Variants in RAB3GAP1 observed in about 807,000 individuals in gnomAD.
The protein encoded by RAB3GAP1 is RAB3 GTPase activating protein catalytic subunit 1, also known as rab3 GTPase-activating protein catalytic subunit.
RAB3GAP1 carries 86 observed loss-of-function variants against 130.7 expected under a neutral mutation model. The observed-to-expected ratio is 0.66, with a 90% CI of 0.55 to 0.79. The LOEUF (loss-of-function observed/expected upper bound fraction) is 0.79, where lower values mean the gene tolerates loss of function less well. RAB3GAP1 is among the 30% of genes least tolerant of loss of function. The pLI is 0.00. For missense variants in RAB3GAP1, 1,029 were observed against 1,169.4 expected, an observed-to-expected ratio of 0.88 and a Z score of 1.75; for synonymous variants, 367 against 401.7, an observed-to-expected ratio of 0.91 and a Z score of 1.03.
chr2:135,068,141 T>A (rs1689373638), intron 3 of RAB3GAP1, among the ~76,000 whole-genome samples: 1 of 152,158 alleles, frequency 6.6e-6, no homozygotes, highest in African/African-American at 2.4e-5. Flanking sequence ...TAAAAACGAT[T>A]GTTTCTTAGA....
At chr2:135,158,830 T>A (rs1692387665) in intron 19 of RAB3GAP1, among the ~76,000 whole-genome samples, 1 of 152,228 alleles carries the variant, frequency 6.6e-6, no homozygotes, top group Non-Finnish European at 1.5e-5. Context: ...CATTGGGCTA[T>A]GATACTCTGA....
In RAB3GAP1 at chr2:135,169,673, T is replaced by C. The variant is rs1484690000; in HGVS notation, c.*892T>C. 5 of 452,352 alleles carry C rather than the reference T, an allele frequency of 1.1e-5. No individual in the cohort carries two copies. Among genetic ancestry groups the C allele is most frequent in the Non-Finnish European group, 2.2e-5 (5 of 225,006 alleles). The allele number at this position is 452,352 out of a possible 1,614,324, so 28.0% of individuals were successfully genotyped here. ...GTCATGCAGATAGTATAATTTGGTATATGTGCTAATGCATTGAGTAGAGGA... is the reference window on the plus strand; with the variant it reads ...GTCATGCAGATAGTATAATTTGGTACATGTGCTAATGCATTGAGTAGAGGA... On this transcript the variant is annotated 3_prime_UTR_variant, in exon 24 of 24. Transcript: ENST00000264158.
intron 3 of RAB3GAP1, among the ~76,000 whole-genome samples, chr2:135,082,807 A>G (rs1179086817): frequency 6.6e-6 from 1 of 151,974 alleles, no homozygotes; most frequent in Admixed American, 6.6e-5. Context: ...GTCATATTGT[A>G]ACATTTATCA....
chr2:135,158,305 C>A (rs1692372459), intron 19 of RAB3GAP1, among the ~76,000 whole-genome samples: 1 of 151,796 alleles, frequency 6.6e-6, no homozygotes, highest in Admixed American at 6.6e-5. Flanking sequence ...TGACTGATTT[C>A]AAGATTGAGG....
Position 135,112,834 on chromosome 2 carries a change from T to TCACACA in RAB3GAP1, c.363-288_363-283dup, listed in dbSNP as rs200860381. On this transcript the variant is annotated intron_variant, in intron 5 of 23. Coordinates refer to ENST00000264158, the MANE Select transcript of RAB3GAP1 (RefSeq NM_012233.3). ...GTCAAAGTCTCTCTCTCTCTCTCTC[T>TCACACA]CACACACACACACACACACACACAC... is the stretch of plus-strand genomic sequence containing the variant. 5.6e-3 allele frequency among the ~76,000 whole-genome samples: 740 copies of TCACACA among 132,460 alleles called. 4 individuals carry two copies. The highest frequency in any genetic ancestry group is 0.02 in the East Asian group (90 of 4,570). 86.9% of individuals were successfully genotyped at this position (132,460 alleles called of 152,430 possible). A position where few individuals can be genotyped will look rare whatever the true frequency, so the allele number is the denominator to read the frequency against.
chr2:135,090,432 T>A (rs1179312379), intron 3 of RAB3GAP1, among the ~76,000 whole-genome samples: 2 of 152,156 alleles, frequency 1.3e-5, no homozygotes, highest in Non-Finnish European at 2.9e-5. Context: ...TTGGAAAAAA[T>A]AGCTATGGGA....
chr2:135,153,503 A>C, intron 18 of RAB3GAP1, 146 bp from the exon 19 acceptor site: 1 of 728,918 alleles, frequency 1.4e-6, no homozygotes, highest in Non-Finnish European at 2.4e-6. Context: ...CATCTGACCT[A>C]TTTTAAAGGT....
At chr2:135,123,968 T>G (rs1169472732) in intron 8 of RAB3GAP1, 197 bp from the exon 9 acceptor site, 1 of 577,396 alleles carries the variant, frequency 1.7e-6, no homozygotes, top group African/African-American at 1.9e-5. Context: ...GAAATAAGTG[T>G]GCCCTTTTAC....
intron 3 of RAB3GAP1, among the ~76,000 whole-genome samples, chr2:135,066,270 G>A (rs1266765208): frequency 6.6e-6 from 1 of 152,076 alleles, no homozygotes; most frequent in Non-Finnish European, 1.5e-5. Flanking sequence ...TTATAGGAAA[G>A]TTTATCTGAC....
At chr2:135,060,511 C>G (rs983912190) in intron 3 of RAB3GAP1, among the ~76,000 whole-genome samples, 1 of 151,726 alleles carries the variant, frequency 6.6e-6, no homozygotes, top group Non-Finnish European at 1.5e-5. Context: ...CTGCCCGCCT[C>G]GGCCTCCCAA....
intron 9 of RAB3GAP1, among the ~76,000 whole-genome samples, chr2:135,125,502 CAAT>C (rs760439909): frequency 6.6e-6 from 1 of 152,096 alleles, no homozygotes; most frequent in African/African-American, 2.4e-5. Flanking sequence ...AAGAGATTGA[CAAT>C]AATAACTAAT....
At chr2:135,111,103 T>C (rs986185728) in intron 5 of RAB3GAP1, among the ~76,000 whole-genome samples, 1 of 152,044 alleles carries the variant, frequency 6.6e-6, no homozygotes, top group African/African-American at 2.4e-5. Flanking sequence ...GGAGGTAGGG[T>C]GAGGAAATGA....
In RAB3GAP1 at chr2:135,133,983, A is replaced by G; in HGVS notation, c.1449A>G (p.Glu483=). 1.2e-6 allele frequency: 2 copies of G among 1,613,964 alleles called. No homozygotes were observed. The highest frequency in any genetic ancestry group is 1.3e-5 in the African/African-American group (1 of 75,056). ...GLKGVAHLWQ[E]FVLEMRFRWE... is the part of the protein sequence containing the mutation. ...AAGGAGTGGCACACCTCTGGCAGGAATTTGTTCTTGAAATGCGTTTCCGAT... is the reference window on the plus strand; with the variant it reads ...AAGGAGTGGCACACCTCTGGCAGGAGTTTGTTCTTGAAATGCGTTTCCGAT... The change falls in exon 15 of 24, where the codon GAA becomes GAG. Residue 483 remains glutamate, a synonymous_variant. Coordinates refer to ENST00000264158, the MANE Select transcript of RAB3GAP1 (RefSeq NM_012233.3).
chr2:135,133,913 TG>T lies in RAB3GAP1; in HGVS notation c.1381del (p.Ala461LeufsTer6). 6.2e-7 allele frequency: 1 copy of T among 1,613,804 alleles called. No individual in the cohort carries two copies. Among genetic ancestry groups the T allele is most frequent in the Non-Finnish European group, 8.5e-7 (1 of 1,179,706 alleles). On this transcript the variant is annotated frameshift_variant, in exon 15 of 24. Transcript: ENST00000264158. LOFTEE classifies it high-confidence loss of function. ...SAPSDSLTYK[L>X]ALCLCMINFY... is the part of the protein sequence containing the mutation. ...CCATCTGACAGTTTAACATACAAACTGGCTTTGTGTCTCTGTATGATCAATT... is the reference window on the plus strand; with the variant it reads ...CCATCTGACAGTTTAACATACAAACTGCTTTGTGTCTCTGTATGATCAATT...
At chr2:135,126,788 T>C (rs1042915850) in intron 11 of RAB3GAP1, 132 bp downstream of exon 11, 30 of 774,090 alleles carry the variant, frequency 3.9e-5, no homozygotes, top group Non-Finnish European at 6.0e-5. Flanking sequence ...TCATTGCCAA[T>C]AGCAGTGAAT....
chr2:135,171,359 A>G (rs1236017011), downstream of RAB3GAP1, among the ~76,000 whole-genome samples: 1 of 152,162 alleles, frequency 6.6e-6, no homozygotes, highest in African/African-American at 2.4e-5. Context: ...TAGAAAGGCC[A>G]CACTCTGGCA....
At chr2:135,150,565 G>GA in intron 18 of RAB3GAP1, 59 bp downstream of exon 18, 2 of 1,605,676 alleles carry the variant, frequency 1.2e-6, no homozygotes, top group Non-Finnish European at 1.7e-6. Context: ...ATGAAACTGT[G>GA]AAAATCACTC....
intron 8 of RAB3GAP1, 109 bp from the exon 9 acceptor site, chr2:135,124,056 T>C: frequency 9.7e-7 from 1 of 1,034,152 alleles, no homozygotes; most frequent in African/African-American, 1.6e-5. Context: ...ACTTGCTACA[T>C]GTGTTCTCTT....
chr2:135,079,459 T>TA (rs1689723546), intron 3 of RAB3GAP1, among the ~76,000 whole-genome samples: 1 of 152,228 alleles, frequency 6.6e-6, no homozygotes, highest in South Asian at 2.1e-4. Context: ...TTCCATTGCC[T>TA]ACAGGGTAGT....
Sources: gnomAD v4.1 joint callset for allele counts (sites outside exome capture counted in the v4.1 genomes callset) on GRCh38, gnomAD v4.1.1 for gene constraint, MANE v1.5 for transcripts, NCBI Gene and HGNC (gene_info 2026-07-23, HGNC 2026-07-21) for gene names.